The following GCH1 variants were observed in gnomAD, a reference collection of about 807,000 sequenced individuals.
The protein encoded by GCH1 is GTP cyclohydrolase 1, also known as GTP cyclohydrolase I.
A neutral mutation model predicts 25.9 loss-of-function variants in GCH1; 5 were observed. That is an observed-to-expected ratio of 0.19 (90% CI 0.10 to 0.41). The LOEUF (loss-of-function observed/expected upper bound fraction) is 0.41, where lower values mean the gene tolerates loss of function less well. Among genes scored for constraint, GCH1 ranks in the 10% least tolerant of loss-of-function variants. The pLI, the probability that GCH1 is intolerant of heterozygous loss-of-function variation, is 1.00. For synonymous variants in GCH1, 159 were observed against 129.6 expected, an observed-to-expected ratio of 1.23 and a Z score of -1.54; for missense variants, 261 against 336.5, an observed-to-expected ratio of 0.78 and a Z score of 1.75.
intron 3 of GCH1, among the ~76,000 whole-genome samples, chr14:54,848,914 A>G (rs2039684689): frequency 6.6e-6 from 1 of 152,254 alleles, no homozygotes; most frequent in Admixed American, 6.5e-5. Context: ...TACTTCTGAT[A>G]GTTTTTCAGG....
At chr14:54,862,593 G>GTT (rs112283632) in intron 2 of GCH1, among the ~76,000 whole-genome samples, 8,149 of 97,342 alleles carry the variant, frequency 0.084, 492 homozygotes, top group Non-Finnish European at 0.12. Context: ...ATTGGTTTTC[G>GTT]TTTTTTTTTT....
chr14:54,893,961 G>A (rs1190270594), intron 1 of GCH1, among the ~76,000 whole-genome samples: 1 of 152,128 alleles, frequency 6.6e-6, no homozygotes, highest in Non-Finnish European at 1.5e-5. Flanking sequence ...CTATCTGCTA[G>A]GCTGTAAGTT....
At chr14:54,886,843 A>T (rs1243853501) in intron 1 of GCH1, among the ~76,000 whole-genome samples, 2 of 152,192 alleles carry the variant, frequency 1.3e-5, no homozygotes, top group Non-Finnish European at 2.9e-5. Flanking sequence ...GGAAACACGC[A>T]TCAGGGGTTA....
At chr14:54,878,155 A>C (rs2040190449) in intron 1 of GCH1, 2 of 154,796 alleles carry the variant, frequency 1.3e-5, no homozygotes, top group Non-Finnish European at 2.9e-5. Context: ...TTTCCTCAAA[A>C]GGAAATTTCT....
chr14:54,875,022 C>T (rs1468955426), intron 1 of GCH1, among the ~76,000 whole-genome samples: 1 of 152,118 alleles, frequency 6.6e-6, no homozygotes, highest in Non-Finnish European at 1.5e-5. Flanking sequence ...CAAGTCAATC[C>T]TAAGCCAAAA....
rs1265493244 is a variant in GCH1 at position 54,846,742 on chromosome 14, C to CA, written c.541+356dup. Among the ~76,000 whole-genome samples the CA allele has an allele frequency of 3.3e-5, 5 of 152,212 alleles. No individual in the cohort carries two copies. In the East Asian group the frequency reaches 5.8e-4, roughly 18 times the overall value. On this transcript the variant is annotated intron_variant, in intron 4 of 5. Coordinates refer to ENST00000491895, the MANE Select transcript of GCH1 (RefSeq NM_000161.3). ...CATACTTATCGCACTAGTAATAAAA[C>CA]AAAAAATACTTTTTGTGTAGGAAAA...
At chr14:54,874,651 G>C (rs1595000263) in intron 1 of GCH1, among the ~76,000 whole-genome samples, 1 of 152,266 alleles carries the variant, frequency 6.6e-6, no homozygotes, top group East Asian at 1.9e-4. Context: ...AAAGTCTCAG[G>C]ATACAAAATC....
At chr14:54,866,897 C>T (rs1361622751) in intron 1 of GCH1, among the ~76,000 whole-genome samples, 1 of 152,184 alleles carries the variant, frequency 6.6e-6, no homozygotes, top group Non-Finnish European at 1.5e-5. Context: ...TGGCTGATAA[C>T]ATCCCAGGAG....
rs538879974 is a variant in GCH1 at position 54,849,138 on chromosome 14, C to T, written c.510-2008G>A. ...ACAGTGCCTGCCTGCTTCTGGCAGA[C>T]AGCTGCTCTCATGGCAGGAGGAACA... is the stretch of plus-strand genomic sequence containing the variant. On this transcript the variant is annotated intron_variant, in intron 3 of 5. Transcript: ENST00000491895. Among the ~76,000 whole-genome samples, 5 of 152,362 alleles carry T rather than the reference C, an allele frequency of 3.3e-5. No individual in the cohort carries two copies. In the South Asian group the frequency reaches 6.2e-4, roughly 19 times the overall value.
intron 1 of GCH1, among the ~76,000 whole-genome samples, chr14:54,893,431 G>C (rs2040448276): frequency 2.6e-5 from 4 of 152,198 alleles, no homozygotes; most frequent in Admixed American, 2.6e-4. Context: ...TGGCAAATGA[G>C]TCAGGTGGGG....
chr14:54,890,362 T>A (rs1026346450), intron 1 of GCH1, among the ~76,000 whole-genome samples: 2 of 152,182 alleles, frequency 1.3e-5, no homozygotes, highest in African/African-American at 4.8e-5. Flanking sequence ...CCAGGCTTGG[T>A]GGCGCATGCC....
At chr14:54,895,855 G>C (rs2040477027) in intron 1 of GCH1, among the ~76,000 whole-genome samples, 1 of 152,166 alleles carries the variant, frequency 6.6e-6, no homozygotes, top group African/African-American at 2.4e-5. Flanking sequence ...CAGTCCAGTA[G>C]GGAATAGTAC....
chr14:54,900,230 G>C (rs1045736637), intron 1 of GCH1, among the ~76,000 whole-genome samples: 2 of 148,374 alleles, frequency 1.3e-5, no homozygotes, highest in African/African-American at 2.5e-5. Context: ...TTTTTCTGGA[G>C]ACAGAGTCTC....
At chr14:54,876,408 G>A (rs2040161320) in intron 1 of GCH1, among the ~76,000 whole-genome samples, 2 of 151,992 alleles carry the variant, frequency 1.3e-5, no homozygotes, top group South Asian at 2.1e-4. Flanking sequence ...CGAGTTAATG[G>A]GTGCAGCACA....
chr14:54,887,589 T>C (rs2040369989), intron 1 of GCH1, among the ~76,000 whole-genome samples: 1 of 152,060 alleles, frequency 6.6e-6, no homozygotes, highest in African/African-American at 2.4e-5. Context: ...TTGGAAAAAA[T>C]CATTAGTAAA....
At position 54,880,843 on chromosome 14, in the gene GCH1, T is replaced by TATAC. The variant is rs1329314629; in HGVS notation, c.344-15408_344-15407insGTAT. Among the ~76,000 whole-genome samples, 6 of 96,420 alleles carry TATAC rather than the reference T, an allele frequency of 6.2e-5. 1 individual carries two copies. The highest frequency in any genetic ancestry group is 3.2e-4 in the African/African-American group (5 of 15,666). The allele number at this position is 96,420 out of a possible 152,430, so 63.3% of individuals were successfully genotyped here. On this transcript the variant is annotated intron_variant, in intron 1 of 5. Transcript: ENST00000491895. ...TATATATATACTCCATATATATATA[T>TATAC]ACTCCATATATATATACTCCATAAT...
chr14:54,859,406 G>GACCTC (rs2039861747), intron 3 of GCH1: 1 of 459,552 alleles, frequency 2.2e-6, no homozygotes, highest in African/African-American at 2.0e-5. Flanking sequence ...GACCTCTCCA[G>GACCTC]TCAGAGAAGG....
intron 1 of GCH1, among the ~76,000 whole-genome samples, chr14:54,869,125 G>A (rs1475215178): frequency 2.0e-5 from 3 of 151,666 alleles, no homozygotes; most frequent in Non-Finnish European, 4.4e-5. Context: ...TGCAACCTTC[G>A]CCTCCCGGGT....
At chr14:54,888,744 C>T (rs1020233480) in intron 1 of GCH1, among the ~76,000 whole-genome samples, 3 of 149,792 alleles carry the variant, frequency 2.0e-5, no homozygotes, top group African/African-American at 7.4e-5. Flanking sequence ...AAGATGGTCT[C>T]GATCTCCTGA....
Sources: gnomAD v4.1 joint callset for allele counts (sites outside exome capture counted in the v4.1 genomes callset) on GRCh38, gnomAD v4.1.1 for gene constraint, MANE v1.5 for transcripts, NCBI Gene and HGNC (gene_info 2026-07-23, HGNC 2026-07-21) for gene names.